LIN28B: variants seen among roughly 807,000 people sequenced by gnomAD.
The protein encoded by LIN28B is protein lin-28 homolog B.
A neutral mutation model predicts 21.9 loss-of-function variants in LIN28B; 5 were observed. That is an observed-to-expected ratio of 0.23 (90% CI 0.12 to 0.48). The LOEUF (loss-of-function observed/expected upper bound fraction) is 0.48, where lower values mean the gene tolerates loss of function less well. LIN28B is among the 20% of genes least tolerant of loss of function. The pLI, the probability that LIN28B is intolerant of heterozygous loss-of-function variation, is 0.98. For missense variants in LIN28B, 245 were observed against 310.5 expected (o/e 0.79, Z 1.58); for synonymous variants, 109 against 111.3 (o/e 0.98, Z 0.13).
At chr6:104,977,364 T>C (rs1770121624) in intron 2 of LIN28B, among the ~76,000 whole-genome samples, 1 of 152,196 alleles carries the variant, frequency 6.6e-6, no homozygotes, top group Admixed American at 6.5e-5. Context: ...CAGAACCTTC[T>C]TTCTCCAAGG....
At position 105,017,144 on chromosome 6, in the gene LIN28B, A is replaced by G. The variant is rs199579049; in HGVS notation, c.199-9154A>G. ...TAGTATCATGTGTTATAATGGTGAT[A>G]TATACCATACATAATTGGAGCACTG... On this transcript the variant is annotated intron_variant, in intron 2 of 3. Transcript: ENST00000345080. Among the ~76,000 whole-genome samples, 11 of 152,130 alleles carry G rather than the reference A, an allele frequency of 7.2e-5. No homozygotes were observed. In the East Asian group the frequency reaches 2.1e-3, roughly 29 times the overall value.
chr6:105,028,801 A>C (rs1037786071), intron 3 of LIN28B, among the ~76,000 whole-genome samples: 4 of 152,220 alleles, frequency 2.6e-5, no homozygotes, highest in Non-Finnish European at 5.9e-5. Context: ...TTTAGCAAAA[A>C]GATGATATTT....
chr6:105,062,901 C>T (rs1218587108), intron 3 of LIN28B, among the ~76,000 whole-genome samples: 1 of 151,930 alleles, frequency 6.6e-6, no homozygotes, highest in African/African-American at 2.4e-5. Context: ...TATTTCCTTT[C>T]AGTCAGTGCC....
chr6:104,949,218 C>T (rs1001459015), intron 2 of LIN28B, among the ~76,000 whole-genome samples: 1 of 152,176 alleles, frequency 6.6e-6, no homozygotes, highest in Non-Finnish European at 1.5e-5. Context: ...TATACTCACA[C>T]ATAAGCCAGA....
intron 2 of LIN28B, among the ~76,000 whole-genome samples, chr6:105,000,909 C>A (rs78697848): frequency 4.1e-4 from 63 of 152,216 alleles, no homozygotes; most frequent in Admixed American, 9.2e-4. Flanking sequence ...CGAGTTTCAC[C>A]TCGTTGAACT....
At chr6:105,053,219 T>C (rs1348292411) in intron 3 of LIN28B, among the ~76,000 whole-genome samples, 1 of 152,236 alleles carries the variant, frequency 6.6e-6, no homozygotes, top group Non-Finnish European at 1.5e-5. Flanking sequence ...GATTTCCACT[T>C]TGTGAAATTT....
chr6:105,059,524 G>A (rs975475227), intron 3 of LIN28B, among the ~76,000 whole-genome samples: 1 of 152,174 alleles, frequency 6.6e-6, no homozygotes, highest in Non-Finnish European at 1.5e-5. Flanking sequence ...TTAACTTGTA[G>A]TTTTTCCATT....
intron 3 of LIN28B, among the ~76,000 whole-genome samples, chr6:105,063,899 T>C (rs1023247275): frequency 4.3e-4 from 64 of 149,564 alleles, no homozygotes; most frequent in Non-Finnish European, 6.7e-4. Flanking sequence ...ATAATAGTTA[T>C]AATAATTATT....
intron 3 of LIN28B, among the ~76,000 whole-genome samples, chr6:105,030,309 T>C (rs758578222): frequency 6.6e-6 from 1 of 152,162 alleles, no homozygotes; most frequent in Non-Finnish European, 1.5e-5. Flanking sequence ...GCTGGAACAG[T>C]TACCAAGGCA....
At chr6:104,984,034 A>G (rs1409288897) in intron 2 of LIN28B, among the ~76,000 whole-genome samples, 1 of 152,224 alleles carries the variant, frequency 6.6e-6, no homozygotes, top group African/African-American at 2.4e-5. Context: ...CCATTGTACT[A>G]GAGTATCCAG....
intron 2 of LIN28B, among the ~76,000 whole-genome samples, chr6:105,020,482 A>G (rs1771116492): frequency 6.6e-6 from 1 of 151,524 alleles, no homozygotes; most frequent in South Asian, 2.1e-4. Context: ...ATGCCCAGCT[A>G]ATTTTTTGTA....
At chr6:105,016,463 A>G (rs1311806554) in intron 2 of LIN28B, among the ~76,000 whole-genome samples, 2 of 152,154 alleles carry the variant, frequency 1.3e-5, no homozygotes, top group South Asian at 2.1e-4. Flanking sequence ...ATTCCAGAGA[A>G]TGTTATATTA....
chr6:105,056,664 G>A (rs1366558416), intron 3 of LIN28B, among the ~76,000 whole-genome samples: 2 of 152,124 alleles, frequency 1.3e-5, no homozygotes, highest in African/African-American at 2.4e-5. Context: ...AACCTGTGCT[G>A]CACACATGCA....
intron 2 of LIN28B, among the ~76,000 whole-genome samples, chr6:104,979,215 A>T (rs1044986659): frequency 3.8e-4 from 55 of 145,822 alleles, no homozygotes; most frequent in Non-Finnish European, 7.6e-4. Flanking sequence ...TTTTAATTTA[A>T]TTTTTTTTTT....
chr6:105,005,633 T>C (rs1388635106), intron 2 of LIN28B, among the ~76,000 whole-genome samples: 1 of 152,116 alleles, frequency 6.6e-6, no homozygotes, highest in Non-Finnish European at 1.5e-5. Context: ...GCTGCTGCCA[T>C]GTGAAGAAAG....
At chr6:104,945,481 G>A (rs139165120) in intron 2 of LIN28B, among the ~76,000 whole-genome samples, 84 of 152,150 alleles carry the variant, frequency 5.5e-4, no homozygotes, top group African/African-American at 1.8e-3. Context: ...ATTAAAAGAA[G>A]TGTTCAGTTT....
upstream of LIN28B, among the ~76,000 whole-genome samples, chr6:104,953,252 G>A (rs1778242262): frequency 6.6e-6 from 1 of 152,142 alleles, no homozygotes; most frequent in Non-Finnish European, 1.5e-5. Context: ...TTGCCATCGC[G>A]GCTTCCCGAA....
At chr6:105,042,451 C>T (rs1771657605) in intron 3 of LIN28B, among the ~76,000 whole-genome samples, 1 of 152,054 alleles carries the variant, frequency 6.6e-6, no homozygotes. Context: ...TTATATGTTT[C>T]TTTACTTTTT....
upstream of LIN28B, among the ~76,000 whole-genome samples, chr6:104,954,445 T>C (rs1347409040): frequency 1.3e-5 from 2 of 152,214 alleles, no homozygotes; most frequent in East Asian, 1.9e-4. Context: ...TGTTTCTCAA[T>C]GTGTCTCCTT....
Sources: allele counts gnomAD v4.1 joint callset (sites outside exome capture counted in the v4.1 genomes callset), GRCh38; gene constraint gnomAD v4.1.1; transcripts MANE v1.5; gene names NCBI Gene and HGNC (gene_info 2026-07-23, HGNC 2026-07-21).